Variants in GFRAL observed in about 807,000 individuals in gnomAD.
GFRAL encodes GDNF family receptor alpha like, also known as GDNF family receptor alpha-like.
In GFRAL, 36 loss-of-function variants were observed where a neutral mutation model predicts 45.4. The observed-to-expected ratio is 0.79, with a 90% CI of 0.61 to 1.05. The LOEUF is 1.05. Among genes scored for constraint, GFRAL ranks in the 50% least tolerant of loss-of-function variants. The pLI is 0.00. For synonymous variants in GFRAL, 166 were observed against 154.1 expected (o/e 1.08, Z -0.57); for missense variants, 507 against 467.5 (o/e 1.08, Z -0.78).
intron 6 of GFRAL, among the ~76,000 whole-genome samples, chr6:55,378,458 C>A (rs1348359744): frequency 1.3e-5 from 2 of 151,878 alleles, no homozygotes; most frequent in Non-Finnish European, 2.9e-5. Context: ...AACTGATCAG[C>A]CTTATGGAGA....
At chr6:55,352,640 T>G (rs781118705) in intron 5 of GFRAL, among the ~76,000 whole-genome samples, 1 of 152,076 alleles carries the variant, frequency 6.6e-6, no homozygotes, top group Non-Finnish European at 1.5e-5. Context: ...GCAAAATATT[T>G]TGTCCCTGTT....
intron 3 of GFRAL, among the ~76,000 whole-genome samples, chr6:55,345,011 A>T (rs148745083): frequency 1.3e-5 from 2 of 152,318 alleles, no homozygotes; most frequent in East Asian, 3.9e-4. Flanking sequence ...TTCAAGGAGG[A>T]CTACAAACCA....
Position 55,351,559 on chromosome 6 carries a change from G to A in GFRAL, c.677G>A (p.Ser226Asn). 6.3e-7 allele frequency: 1 copy of A among 1,599,562 alleles called. No homozygotes were observed. The highest frequency in any genetic ancestry group is 8.6e-7 in the Non-Finnish European group (1 of 1,168,638). ...PPPTCLSVIR[S>N]CQNDELCRRH... ...CCTACTTGCCTCAGTGTAATTCGCA[G>A]CTGCCAAAATGATGAATTATGCAGG... The change falls in exon 5 of 9, where the codon AGC becomes AAC. Residue 226 changes from serine to asparagine, a missense_variant. By Grantham distance (46) the Ser-to-Asn change is conservative. Transcript: ENST00000340465.
At chr6:55,359,942 A>G (rs1381515955) in intron 6 of GFRAL, among the ~76,000 whole-genome samples, 5 of 151,968 alleles carry the variant, frequency 3.3e-5, no homozygotes, top group Non-Finnish European at 2.9e-5. Flanking sequence ...GTCCTGGCCT[A>G]TGTACAATAT....
chr6:55,376,123 T>A lies in GFRAL; in HGVS notation c.952+16985T>A, dbSNP rs187212218. 3.9e-5 allele frequency among the ~76,000 whole-genome samples: 6 copies of A among 152,246 alleles called. No homozygotes were observed. In the East Asian group the frequency reaches 9.7e-4, roughly 25 times the overall value. On this transcript the variant is annotated intron_variant, in intron 6 of 8. Coordinates refer to ENST00000340465, the MANE Select transcript of GFRAL (RefSeq NM_207410.2). ...TGCAACTATTGAGATAATCATGTGGTTTTTGTCTTTAGTTCTGTTTATGTA... is the reference window on the plus strand; with the variant it reads ...TGCAACTATTGAGATAATCATGTGGATTTTGTCTTTAGTTCTGTTTATGTA...
chr6:55,337,835 C>T (rs1177525341), intron 3 of GFRAL, among the ~76,000 whole-genome samples: 4 of 152,028 alleles, frequency 2.6e-5, no homozygotes, highest in Non-Finnish European at 2.9e-5. Context: ...TTCAATTTTA[C>T]TATTCATTGT....
chr6:55,362,983 G>C (rs1768297779), intron 6 of GFRAL, among the ~76,000 whole-genome samples: 1 of 150,868 alleles, frequency 6.6e-6, no homozygotes, highest in South Asian at 2.1e-4. Flanking sequence ...AGGGGAGGAA[G>C]AAGAGGAAAC....
chr6:55,347,918 T>C (rs1358005852), intron 3 of GFRAL, among the ~76,000 whole-genome samples: 2 of 152,144 alleles, frequency 1.3e-5, no homozygotes, highest in Non-Finnish European at 2.9e-5. Flanking sequence ...TAGAAACATG[T>C]TTGTCTACTA....
intron 3 of GFRAL, among the ~76,000 whole-genome samples, chr6:55,345,400 A>G (rs900430310): frequency 2.6e-5 from 4 of 152,082 alleles, no homozygotes; most frequent in Admixed American, 6.6e-5. Flanking sequence ...CACATCTACA[A>G]CCATCTGATC....
intron 4 of GFRAL, 58 bp downstream of exon 4, chr6:55,350,203 G>A (rs1768097938): frequency 9.8e-7 from 1 of 1,016,294 alleles, no homozygotes; most frequent in Non-Finnish European, 1.5e-6. Context: ...AATATAAAAT[G>A]CAGTTACCAG....
intron 3 of GFRAL, among the ~76,000 whole-genome samples, chr6:55,334,270 A>G (rs770068993): frequency 8.5e-5 from 13 of 152,182 alleles, no homozygotes; most frequent in Non-Finnish European, 1.9e-4. Context: ...TTCAATTCAT[A>G]TATTTGTGGA....
chr6:55,328,832 T>C (rs1200690355), intron 1 of GFRAL, among the ~76,000 whole-genome samples: 2 of 152,072 alleles, frequency 1.3e-5, no homozygotes, highest in Non-Finnish European at 2.9e-5. Flanking sequence ...ACTAAAATTA[T>C]ACTATTTGAT....
chr6:55,334,068 A>G, intron 3 of GFRAL, 124 bp downstream of exon 3: 1 of 675,838 alleles, frequency 1.5e-6, no homozygotes, highest in Non-Finnish European at 2.3e-6. Context: ...TCAAAGCTTT[A>G]TTATTTTAAA....
At position 55,401,935 on chromosome 6, in the gene GFRAL, C is replaced by T; in HGVS notation, c.*82C>T. 4 of 732,888 alleles carry T rather than the reference C, an allele frequency of 5.5e-6. No individual in the cohort carries two copies. The highest frequency in any genetic ancestry group is 1.7e-5 in the South Asian group (1 of 60,464). 45.4% of individuals were successfully genotyped at this position (732,888 alleles called of 1,614,324 possible). On this transcript the variant is annotated 3_prime_UTR_variant, in exon 9 of 9. Transcript: ENST00000340465. The stretch of plus-strand genomic sequence containing the variant: ...CTCTTTTCTTCTCTCCTCTCCTCTC[C>T]TCTCTTCTCCTCTCCTCCCCTCCCC...
chr6:55,342,371 A>G (rs537512843), intron 3 of GFRAL, among the ~76,000 whole-genome samples: 1 of 152,178 alleles, frequency 6.6e-6, no homozygotes, highest in East Asian at 1.9e-4. Flanking sequence ...ACCAATATTC[A>G]ACATTCTTAA....
chr6:55,343,384 C>A (rs994153699), intron 3 of GFRAL, among the ~76,000 whole-genome samples: 1 of 152,122 alleles, frequency 6.6e-6, no homozygotes, highest in African/African-American at 2.4e-5. Context: ...CACTCCAAAC[C>A]GCTCAATTAC....
rs750625540 is a variant in GFRAL at position 55,331,834 on chromosome 6, G to A, written c.142G>A (p.Ala48Thr). 3 of 1,609,474 alleles carry A rather than the reference G, an allele frequency of 1.9e-6. No homozygotes were observed. Among genetic ancestry groups the A allele is most frequent in the Non-Finnish European group, 2.5e-6 (3 of 1,178,432 alleles). The change falls in exon 2 of 9, where the codon GCC becomes ACC. Residue 48 changes from alanine to threonine, a missense_variant. Physicochemically the swap from Ala to Thr is moderately conservative, Grantham distance 58. Coordinates refer to ENST00000340465, the MANE Select transcript of GFRAL (RefSeq NM_207410.2). ...ACATGCTTGGAGAGTAATGGAAGAT[G>A]CCTGCAATGATTCAGGTAAACAAGT... is the stretch of plus-strand genomic sequence containing the variant. ...CKHAWRVMED[A>T]CNDSDPGDPC...
At chr6:55,397,408 C>T (rs961618990) in intron 6 of GFRAL, among the ~76,000 whole-genome samples, 1 of 146,030 alleles carries the variant, frequency 6.8e-6, no homozygotes, top group African/African-American at 2.6e-5. Context: ...GTCCCAGCTA[C>T]TCGGGAGGCT....
At chr6:55,331,978 C>A in intron 2 of GFRAL, 129 bp downstream of exon 2, 1 of 785,670 alleles carries the variant, frequency 1.3e-6, no homozygotes, top group Non-Finnish European at 1.9e-6. Flanking sequence ...TGACCCCCAT[C>A]GATTCACTTT....
Sources: allele counts gnomAD v4.1 joint callset (sites outside exome capture counted in the v4.1 genomes callset), GRCh38; gene constraint gnomAD v4.1.1; transcripts MANE v1.5; gene names NCBI Gene and HGNC (gene_info 2026-07-23, HGNC 2026-07-21).